Variants in PCDH15 observed in about 807,000 individuals in gnomAD.
The protein encoded by PCDH15 is protocadherin related 15, also known as protocadherin-15.
In PCDH15, 129 loss-of-function variants were observed where a neutral mutation model predicts 178.5. The ratio of observed to expected loss-of-function variants is 0.72; its 90% CI spans 0.63 to 0.84. The LOEUF is 0.84. PCDH15 is among the 40% of genes least tolerant of loss of function. The pLI, the probability that PCDH15 is intolerant of heterozygous loss-of-function variation, is 0.00. For synonymous variants in PCDH15, 800 were observed against 732.0 expected (o/e 1.09, Z -1.50); for missense variants, 2,230 against 2,099.9 (o/e 1.06, Z -1.21).
chr10:55,082,582 G>GAAAAAAAAAAAAA (rs35092419), intron 2 of PCDH15, among the ~76,000 whole-genome samples: 1 of 133,826 alleles, frequency 7.5e-6, no homozygotes, highest in Non-Finnish European at 1.7e-5. Context: ...AAATTGAAAT[G>GAAAAAAAAAAAAA]AAAAAAAAAA....
chr10:55,088,527 G>A lies in PCDH15; in HGVS notation c.-80+78049C>T, dbSNP rs567932080. Among the ~76,000 whole-genome samples the A allele has an allele frequency of 2.0e-5, 3 of 152,054 alleles. No individual in the cohort carries two copies. In the South Asian group the frequency reaches 6.2e-4, roughly 32 times the overall value. ...GACCCTAAGTGATATGCCTGCCTTG[G>A]ACTCCTATAGTGCTAGGATTACAGG... On this transcript the variant is annotated intron_variant, in intron 2 of 5. Coordinates refer to the PCDH15 transcript ENST00000458638.
intron 1 of PCDH15, among the ~76,000 whole-genome samples, chr10:54,690,469 C>A (rs1265688321): frequency 6.6e-6 from 1 of 151,878 alleles, no homozygotes; most frequent in East Asian, 1.9e-4. Flanking sequence ...AGCACGCCAC[C>A]ACTTCCAGCT....
At chr10:54,211,783 A>C (rs12772336) in intron 10 of PCDH15, among the ~76,000 whole-genome samples, 1 of 152,078 alleles carries the variant, frequency 6.6e-6, no homozygotes, top group Non-Finnish European at 1.5e-5. Flanking sequence ...AAGATTTACT[A>C]TAGAGGAGAA....
chr10:55,376,420 T>C (rs1047908626), intron 2 of PCDH15, among the ~76,000 whole-genome samples: 3 of 152,096 alleles, frequency 2.0e-5, no homozygotes, highest in Admixed American at 6.6e-5. Context: ...TATCATTATT[T>C]TTGGCTTCTA....
intron 3 of PCDH15, among the ~76,000 whole-genome samples, chr10:54,810,829 A>G (rs1320220717): frequency 1.3e-5 from 2 of 152,174 alleles, no homozygotes; most frequent in African/African-American, 4.8e-5. Flanking sequence ...TCTTTTCAAA[A>G]CATAGGCTAA....
intron 2 of PCDH15, among the ~76,000 whole-genome samples, chr10:55,541,556 T>C (rs1841760211): frequency 6.6e-6 from 1 of 151,960 alleles, no homozygotes; most frequent in Non-Finnish European, 1.5e-5. Context: ...TAGATTTTTA[T>C]TTAATTTATA....
intron 2 of PCDH15, among the ~76,000 whole-genome samples, chr10:55,043,396 A>G (rs1427140881): frequency 6.6e-6 from 1 of 151,862 alleles, no homozygotes; most frequent in South Asian, 2.1e-4. Context: ...TCCTCTGTCT[A>G]CATAAAAAAA....
At chr10:54,850,646 G>A (rs757924733) in intron 3 of PCDH15, among the ~76,000 whole-genome samples, 1 of 152,028 alleles carries the variant, frequency 6.6e-6, no homozygotes, top group Non-Finnish European at 1.5e-5. Flanking sequence ...CCACAACCCT[G>A]CTATATTCAT....
chr10:55,566,492 A>T (rs1405711005), intron 2 of PCDH15, among the ~76,000 whole-genome samples: 1 of 151,632 alleles, frequency 6.6e-6, no homozygotes, highest in Non-Finnish European at 1.5e-5. Flanking sequence ...GAAAAATAAA[A>T]GGCATAAAAT....
chr10:54,050,585 T>A (rs2093748541), intron 18 of PCDH15, among the ~76,000 whole-genome samples: 1 of 152,168 alleles, frequency 6.6e-6, no homozygotes, highest in Non-Finnish European at 1.5e-5. Flanking sequence ...TCTAGTTATT[T>A]GTTCTCTTTT....
intron 2 of PCDH15, among the ~76,000 whole-genome samples, chr10:54,596,811 C>T (rs968416108): frequency 2.0e-5 from 3 of 151,828 alleles, no homozygotes; most frequent in Non-Finnish European, 4.4e-5. Context: ...TAATTTCAGA[C>T]AAAAAAGATT....
chr10:53,804,302 A>C lies in PCDH15; in HGVS notation c.*2277T>G, dbSNP rs1176210448. 6.6e-6 allele frequency: 1 copy of C among 151,950 alleles called. No individual in the cohort carries two copies. The allele number at this position is 151,950 out of a possible 1,614,324, so 9.4% of individuals were successfully genotyped here. A position where few individuals can be genotyped will look rare whatever the true frequency, so the allele number is the denominator to read the frequency against. ...TTGCATATTTTCTCATAAAAAATGT[A>C]GTTTAAAATACAGTGACATCTCATA... On this transcript the variant is annotated 3_prime_UTR_variant, in exon 38 of 38. Transcript: ENST00000644397.
chr10:54,832,187 T>C (rs1443943351), intron 3 of PCDH15, among the ~76,000 whole-genome samples: 1 of 152,086 alleles, frequency 6.6e-6, no homozygotes, highest in Admixed American at 6.6e-5. Flanking sequence ...GCTGTTAACA[T>C]AAAGAGACTG....
chr10:54,489,473 T>C (rs2079386968), intron 3 of PCDH15, among the ~76,000 whole-genome samples: 1 of 152,148 alleles, frequency 6.6e-6, no homozygotes, highest in South Asian at 2.1e-4. Context: ...ATTTCTTACA[T>C]AGCTCAACAC....
intron 1 of PCDH15, among the ~76,000 whole-genome samples, chr10:55,298,075 A>C (rs1843178771): frequency 6.6e-6 from 1 of 152,172 alleles, no homozygotes; most frequent in Non-Finnish European, 1.5e-5. Flanking sequence ...AGCCACACAG[A>C]GCTCCCGGAC....
At chr10:54,315,689 T>A (rs2061208230) in intron 8 of PCDH15, among the ~76,000 whole-genome samples, 1 of 142,640 alleles carries the variant, frequency 7.0e-6, no homozygotes, top group African/African-American at 2.6e-5. Context: ...TTAATCCATC[T>A]TGAGTTGATT....
At chr10:54,198,829 A>C (rs182195549) in intron 10 of PCDH15, among the ~76,000 whole-genome samples, 333 of 152,254 alleles carry the variant, frequency 2.2e-3, no homozygotes, top group African/African-American at 7.8e-3. Flanking sequence ...AATGCTATGA[A>C]AAGTCATAAA....
chr10:55,092,197 G>A (rs950283893), intron 2 of PCDH15, among the ~76,000 whole-genome samples: 2 of 151,782 alleles, frequency 1.3e-5, no homozygotes, highest in African/African-American at 4.8e-5. Context: ...AATGGAGATG[G>A]AAAATATCAA....
At chr10:53,823,462 CATCAA>C (rs780100757) in intron 32 of PCDH15, 1 of 1,084,144 alleles carries the variant, frequency 9.2e-7, no homozygotes, top group African/African-American at 1.5e-5. Context: ...TACTTAAAAA[CATCAA>C]AGGCCAAACA....
Sources: allele counts gnomAD v4.1 joint callset (sites outside exome capture counted in the v4.1 genomes callset), GRCh38; gene constraint gnomAD v4.1.1; transcripts MANE v1.5; gene names NCBI Gene and HGNC (gene_info 2026-07-23, HGNC 2026-07-21).